Variants in FLI1 observed in about 807,000 individuals in gnomAD.
FLI1 encodes Friend leukemia integration 1 transcription factor.
Under a neutral mutation model 53.1 loss-of-function variants are expected in FLI1, and 13 were observed. The observed-to-expected ratio is 0.24, with a 90% confidence interval of 0.16 to 0.39. FLI1 has a LOEUF of 0.39. FLI1 is among the 10% of genes least tolerant of loss of function. The pLI, the probability that FLI1 is intolerant of heterozygous loss-of-function variation, is 1.00. For synonymous variants in FLI1, 244 were observed against 236.7 expected (o/e 1.03, Z -0.28); for missense variants, 424 against 600.5 (o/e 0.71, Z 3.07).
At chr11:128,710,027 T>C (rs972729570) in intron 1 of FLI1, among the ~76,000 whole-genome samples, 1 of 152,232 alleles carries the variant, frequency 6.6e-6, no homozygotes, top group Admixed American at 6.5e-5. Flanking sequence ...GATCCTCTTT[T>C]AGTGTTGAAG....
At chr11:128,758,016 T>C in intron 1 of FLI1, 99 bp from the exon 2 acceptor site, 1 of 1,045,968 alleles carries the variant, frequency 9.6e-7, no homozygotes, top group Non-Finnish European at 1.4e-6. Context: ...CAAGCTGTCC[T>C]GGGGCAGCCC....
intron 5 of FLI1, among the ~76,000 whole-genome samples, chr11:128,795,645 G>A (rs1942416167): frequency 2.0e-5 from 3 of 149,694 alleles, no homozygotes; most frequent in South Asian, 4.2e-4. Context: ...CCGCCTCCCG[G>A]GTTCACACCA....
In FLI1 at chr11:128,699,065, C is replaced by T. The variant is rs1000331706; in HGVS notation, c.18+4789C>T. On this transcript the variant is annotated intron_variant, in intron 1 of 8. Transcript: ENST00000527786. The stretch of plus-strand genomic sequence containing the variant: ...TAGACAGACGGAATTCTTATTTCAG[C>T]TCCTTTAATAATGGAATATTGGACT... Among the ~76,000 whole-genome samples the T allele has an allele frequency of 2.6e-5, 4 of 152,146 alleles. No individual in the cohort carries two copies. In the South Asian group the frequency reaches 6.2e-4, roughly 24 times the overall value.
intron 1 of FLI1, among the ~76,000 whole-genome samples, chr11:128,749,542 T>G (rs1940554705): frequency 6.6e-6 from 1 of 152,194 alleles, no homozygotes; most frequent in Non-Finnish European, 1.5e-5. Flanking sequence ...AATACCTTTA[T>G]CACCTTGTCC....
At chr11:128,737,748 G>A (rs1296426716) in intron 1 of FLI1, among the ~76,000 whole-genome samples, 3 of 152,176 alleles carry the variant, frequency 2.0e-5, no homozygotes, top group Admixed American at 6.5e-5. Flanking sequence ...CTTAGGAAAT[G>A]TTCTTTTGGG....
At chr11:128,726,923 C>T (rs928742174) in intron 1 of FLI1, among the ~76,000 whole-genome samples, 6 of 151,804 alleles carry the variant, frequency 4.0e-5, no homozygotes, top group African/African-American at 9.7e-5. Context: ...GGAGGGACAA[C>T]GGCTGGGGCA....
At chr11:128,766,674 G>A (rs766594779) in intron 2 of FLI1, among the ~76,000 whole-genome samples, 3 of 151,762 alleles carry the variant, frequency 2.0e-5, no homozygotes, top group East Asian at 2.0e-4. Flanking sequence ...AGTGACTGCC[G>A]TCCCTGCTTG....
chr11:128,693,774 G>A (rs900086649), upstream of FLI1: 11 of 233,730 alleles, frequency 4.7e-5, no homozygotes, highest in Admixed American at 3.9e-4. Flanking sequence ...TCTCCCAGGA[G>A]CAAGTATCCT....
At chr11:128,735,622 G>A (rs917548053) in intron 1 of FLI1, among the ~76,000 whole-genome samples, 1 of 152,190 alleles carries the variant, frequency 6.6e-6, no homozygotes, top group African/African-American at 2.4e-5. Flanking sequence ...ATTATCAGAT[G>A]TCTAGATAAG....
At position 128,812,883 on chromosome 11, in the gene FLI1, C is replaced by T. The variant is rs1942967453; in HGVS notation, c.*1895C>T. 1 of 114,364 alleles carries T rather than the reference C, an allele frequency of 8.7e-6. No homozygotes were observed. The highest frequency in any genetic ancestry group is 9.7e-5 in the Admixed American group (1 of 10,302). The allele number at this position is 114,364 out of a possible 1,614,324, so 7.1% of individuals were successfully genotyped here. On this transcript the variant is annotated 3_prime_UTR_variant, in exon 9 of 9. Transcript: ENST00000527786. Reference sequence around the variant, plus strand: ...TTCTTCCCAAGGAAGAAACTTGCCTCCAGTTCCTTCACTGTTAGGTAGCTT... The same window carrying T: ...TTCTTCCCAAGGAAGAAACTTGCCTTCAGTTCCTTCACTGTTAGGTAGCTT...
chr11:128,801,304 C>T (rs911326238), intron 5 of FLI1, among the ~76,000 whole-genome samples: 26 of 152,212 alleles, frequency 1.7e-4, no homozygotes, highest in Admixed American at 1.6e-3. Context: ...GGATGTGAGC[C>T]ACTGGGTCAG....
intron 5 of FLI1, among the ~76,000 whole-genome samples, chr11:128,783,531 T>C (rs1465320142): frequency 2.6e-5 from 4 of 152,246 alleles, no homozygotes; most frequent in Non-Finnish European, 1.5e-5. Context: ...GAACGCTGAA[T>C]TTCTATGGAT....
Position 128,722,822 on chromosome 11 carries a change from G to A in FLI1, c.18+28546G>A, listed in dbSNP as rs532233154. 1.6e-3 allele frequency among the ~76,000 whole-genome samples: 239 copies of A among 152,230 alleles called. 1 individual carries two copies. The highest frequency in any genetic ancestry group is 5.4e-3 in the African/African-American group (224 of 41,538). On this transcript the variant is annotated intron_variant, in intron 1 of 8. Coordinates refer to ENST00000527786, the MANE Select transcript of FLI1 (RefSeq NM_002017.5). ...CACCTCGTGCAGTCATTCTCCTATC[G>A]AGCTCTGGGAACCGCGGGGTGGGGG...
chr11:128,753,089 C>T (rs914046274), intron 1 of FLI1, among the ~76,000 whole-genome samples: 2 of 152,186 alleles, frequency 1.3e-5, no homozygotes, highest in Admixed American at 6.5e-5. Context: ...CACTTCCCTG[C>T]CTGGAACAAG....
intron 2 of FLI1, among the ~76,000 whole-genome samples, chr11:128,761,186 G>A (rs1338559664): frequency 1.3e-5 from 2 of 152,122 alleles, no homozygotes; most frequent in Middle Eastern, 3.4e-3. Context: ...AGGCACCCTC[G>A]TGCCTCAGAA....
chr11:128,810,910 G>A lies in FLI1; in HGVS notation c.1281G>A (p.Thr427=), dbSNP rs374370811. The A allele has an allele frequency of 2.8e-5, 45 of 1,613,430 alleles. No individual in the cohort carries two copies. Among genetic ancestry groups the A allele is most frequent in the African/African-American group, 8.0e-5 (6 of 74,880 alleles). The change falls in exon 9 of 9, where the codon ACG becomes ACA. Residue 427 remains threonine (T), a synonymous_variant. Transcript: ENST00000527786. The surrounding 1 kb of genome is among the most constrained non-coding windows in gnomAD (Gnocchi z 6.6). ...CATCACAATACTGGACCTCCCCCAC[G>A]GGGGGAATCTACCCCAACCCCAACG... ...GAASQYWTSP[T]GGIYPNPNVP...
chr11:128,788,154 A>G (rs1942156467), intron 5 of FLI1, among the ~76,000 whole-genome samples: 1 of 152,116 alleles, frequency 6.6e-6, no homozygotes, highest in African/African-American at 2.4e-5. Context: ...GATACTATAC[A>G]TAGATAGCCA....
At chr11:128,796,915 C>A (rs544345821) in intron 5 of FLI1, among the ~76,000 whole-genome samples, 2 of 152,348 alleles carry the variant, frequency 1.3e-5, no homozygotes, top group South Asian at 2.1e-4. Context: ...ACGGAAGTTG[C>A]AGTGAGCCGA....
intron 1 of FLI1, among the ~76,000 whole-genome samples, chr11:128,731,405 G>A (rs546502215): frequency 5.9e-5 from 9 of 152,132 alleles, no homozygotes; most frequent in African/African-American, 1.4e-4. Context: ...CTTGTCTAAC[G>A]GTCTGCTCGT....
Sources: allele counts gnomAD v4.1 joint callset (sites outside exome capture counted in the v4.1 genomes callset), GRCh38; gene constraint gnomAD v4.1.1; non-coding constraint Gnocchi (gnomAD v3.1); transcripts MANE v1.5; gene names NCBI Gene and HGNC (gene_info 2026-07-23, HGNC 2026-07-21).